Variants in PCDHGB4 observed in about 807,000 individuals in gnomAD.
PCDHGB4 encodes the protein protocadherin gamma-B4.
A neutral mutation model predicts 60.5 loss-of-function variants in PCDHGB4; 38 were observed. The ratio of observed to expected loss-of-function variants is 0.63; its 90% CI spans 0.48 to 0.82. The LOEUF is 0.82. Among genes scored for constraint, PCDHGB4 ranks in the 40% least tolerant of loss-of-function variants. The pLI is 0.00. For synonymous variants in PCDHGB4, 456 were observed against 509.7 expected, an observed-to-expected ratio of 0.89 and a Z score of 1.42; for missense variants, 1,109 against 1,209.6, an observed-to-expected ratio of 0.92 and a Z score of 1.23.
chr5:141,472,623 TAA>T (rs2099291037), intron 1 of PCDHGB4, among the ~76,000 whole-genome samples: 1 of 152,018 alleles, frequency 6.6e-6, no homozygotes, highest in Non-Finnish European at 1.5e-5. Context: ...AGAAAAAAGA[TAA>T]AGACTGGGAA....
intron 1 of PCDHGB4, chr5:141,422,741 A>G (rs1319821802): frequency 6.2e-7 from 1 of 1,610,084 alleles, no homozygotes; most frequent in Non-Finnish European, 8.5e-7. Flanking sequence ...CTGTCCTCCT[A>G]TGTCTCTATT....
chr5:141,462,552 T>G (rs966816379), intron 1 of PCDHGB4, among the ~76,000 whole-genome samples: 4 of 152,194 alleles, frequency 2.6e-5, no homozygotes, highest in African/African-American at 9.6e-5. Context: ...TCTTCTTCAG[T>G]GTTTACTGTA....
chr5:141,412,634 A>G (rs1322492563), intron 1 of PCDHGB4: 1 of 152,256 alleles, frequency 6.6e-6, no homozygotes, highest in African/African-American at 2.4e-5. Flanking sequence ...TTAAATTATA[A>G]GACTTTTCTG....
chr5:141,390,404 G>T, intron 1 of PCDHGB4, 123 bp downstream of exon 1: 1 of 1,262,098 alleles, frequency 7.9e-7, no homozygotes. Flanking sequence ...TTTTAGGAAA[G>T]TTGTAGTCAG....
At chr5:141,488,620 C>A (rs1271344928) in intron 1 of PCDHGB4, among the ~76,000 whole-genome samples, 1 of 152,164 alleles carries the variant, frequency 6.6e-6, no homozygotes, top group East Asian at 1.9e-4. Context: ...CTAATCTTTT[C>A]TCTCACCTTA....
intron 2 of PCDHGB4, among the ~76,000 whole-genome samples, chr5:141,502,109 C>G (rs2099812899): frequency 1.3e-5 from 2 of 152,182 alleles, no homozygotes; most frequent in Admixed American, 1.3e-4. Flanking sequence ...ACCCTGCACC[C>G]TCAGCCAGGC....
At chr5:141,472,040 G>T (rs1431219928) in intron 1 of PCDHGB4, among the ~76,000 whole-genome samples, 4 of 152,018 alleles carry the variant, frequency 2.6e-5, no homozygotes, top group Non-Finnish European at 5.9e-5. Flanking sequence ...GCTGTGAAAA[G>T]ATTTTAAAAA....
chr5:141,415,031 G>T lies in PCDHGB4; in HGVS notation c.2397+24750G>T, dbSNP rs982540695. The T allele has an allele frequency of 6.2e-6, 10 of 1,613,464 alleles. No individual in the cohort carries two copies. The highest frequency in any genetic ancestry group is 6.8e-6 in the Non-Finnish European group (8 of 1,179,984). On this transcript the variant is annotated intron_variant, in intron 1 of 3. Transcript: ENST00000519479. ...CGTCTGCTCAAGGCCAGCGAGCCGGGACTCTTCGCGGTGGGGGAGCACACG... is the reference window on the plus strand; with the variant it reads ...CGTCTGCTCAAGGCCAGCGAGCCGGTACTCTTCGCGGTGGGGGAGCACACG...
rs763262842 is a variant in PCDHGB4, at chr5:141,389,309, T to A, written c.1425T>A (p.Ser475=). 1.4e-5 allele frequency: 23 copies of A among 1,613,900 alleles called. No homozygotes were observed. The highest frequency in any genetic ancestry group is 1.9e-5 in the Non-Finnish European group (22 of 1,179,910). The part of the protein sequence containing the change: ...PGASISQVRA[S]DPDLGPNGQV... ...CCTCTATTTCACAAGTCAGGGCTTCTGATCCGGACTTGGGGCCCAACGGCC... is the reference window on the plus strand; with the variant it reads ...CCTCTATTTCACAAGTCAGGGCTTCAGATCCGGACTTGGGGCCCAACGGCC... Residue 475 remains serine, a synonymous_variant, in exon 1 of 4, where the codon TCT becomes TCA. Coordinates refer to ENST00000519479, the MANE Select transcript of PCDHGB4 (RefSeq NM_003736.4).
At position 141,489,651 on chromosome 5, in the gene PCDHGB4, G is replaced by A; in HGVS notation, c.2398-5156G>A. 6.2e-7 allele frequency: 1 copy of A among 1,614,186 alleles called. No individual in the cohort carries two copies. Among genetic ancestry groups the A allele is most frequent in the Non-Finnish European group, 8.5e-7 (1 of 1,180,032 alleles). ...ACTCTCCTAGCTTTGCCACCCCTGA[G>A]CGAGAGATGCGCATCTCAGAATCAG... On this transcript the variant is annotated intron_variant, in intron 1 of 3. Coordinates refer to ENST00000519479, the MANE Select transcript of PCDHGB4 (RefSeq NM_003736.4). The surrounding 1 kb of genome is among the most constrained non-coding windows in gnomAD (Gnocchi z 4.5).
intron 1 of PCDHGB4, chr5:141,421,043 C>T (rs1201118615): frequency 5.5e-6 from 3 of 548,238 alleles, no homozygotes; most frequent in African/African-American, 3.9e-5. Flanking sequence ...CCTCCCTCCC[C>T]CGCCTCTACC....
chr5:141,392,896 G>A, intron 1 of PCDHGB4: 1 of 1,613,812 alleles, frequency 6.2e-7, no homozygotes, highest in Non-Finnish European at 8.5e-7. Flanking sequence ...GAAATCGGGA[G>A]GGGACAGATT....
rs375537017 is a variant in PCDHGB4 at position 141,419,439 on chromosome 5, C to T, written c.2397+29158C>T. 22 of 1,613,154 alleles carry T rather than the reference C, an allele frequency of 1.4e-5. No individual in the cohort carries two copies. Among genetic ancestry groups the T allele is most frequent in the Non-Finnish European group, 1.7e-5 (20 of 1,179,788 alleles). On this transcript the variant is annotated intron_variant, in intron 1 of 3. Transcript: ENST00000519479. ...GCCTTCGACCACGAGCAGCTGCGCACCTTCGAGCTCACGCTGCAGGCCCGC... is the reference window on the plus strand; with the variant it reads ...GCCTTCGACCACGAGCAGCTGCGCATCTTCGAGCTCACGCTGCAGGCCCGC...
At chr5:141,507,931 G>A (rs1442781255) in intron 3 of PCDHGB4, 1 of 152,326 alleles carries the variant, frequency 6.6e-6, no homozygotes, top group African/African-American at 2.4e-5. Context: ...CTGCTGAGAG[G>A]GGTTAAGTAA....
rs1212381177 is a variant in PCDHGB4 at position 141,438,571 on chromosome 5, TATACATAC to T, written c.2397+48306_2397+48313del. On this transcript the variant is annotated intron_variant, in intron 1 of 3. Coordinates refer to ENST00000519479, the MANE Select transcript of PCDHGB4 (RefSeq NM_003736.4). Reference sequence around the variant, plus strand: ...GCCCTAATAAGAGGCAGCTGTCTGATATACATACATACATACATACATATATATATATA... The same window carrying T: ...GCCCTAATAAGAGGCAGCTGTCTGATATACATACATACATATATATATATA... Among the ~76,000 whole-genome samples the T allele has an allele frequency of 2.8e-4, 26 of 94,536 alleles. 1 individual carries two copies. Among genetic ancestry groups the T allele is most frequent in the South Asian group, 1.0e-3 (3 of 2,950 alleles). 62.0% of individuals were successfully genotyped at this position (94,536 alleles called of 152,430 possible). A position where few individuals can be genotyped will look rare whatever the true frequency, so the allele number is the denominator to read the frequency against.
intron 1 of PCDHGB4, among the ~76,000 whole-genome samples, chr5:141,406,261 C>T (rs2154537343): frequency 6.6e-6 from 1 of 152,132 alleles, no homozygotes; most frequent in African/African-American, 2.4e-5. Flanking sequence ...CTCAAACGAT[C>T]TTCCTGCTTC....
In PCDHGB4 at chr5:141,511,364, T is replaced by C. The variant is rs115159796; in HGVS notation, c.*191T>C. The C allele has an allele frequency of 4.6e-4, 610 of 1,317,098 alleles. 5 individuals are homozygous for C. In the African/African-American group the frequency reaches 7.1e-3, roughly 15 times the overall value. The allele number at this position is 1,317,098 out of a possible 1,614,324, so 81.6% of individuals were successfully genotyped here. On this transcript the variant is annotated 3_prime_UTR_variant, in exon 4 of 4. Coordinates refer to ENST00000519479, the MANE Select transcript of PCDHGB4 (RefSeq NM_003736.4). ...ACCCCTTCCCCCCCAGGGGGTTGAA[T>C]ATGCAAAAGCAGTTCCGCTGGGAAC...
At chr5:141,405,881 T>C (rs998587989) in intron 1 of PCDHGB4, among the ~76,000 whole-genome samples, 4 of 152,210 alleles carry the variant, frequency 2.6e-5, no homozygotes, top group Admixed American at 2.6e-4. Flanking sequence ...GGCCTAATTG[T>C]TGCTCCAACA....
At position 141,501,332 on chromosome 5, in the gene PCDHGB4, CA is replaced by C. The variant is rs1257793029; in HGVS notation, c.2457-4060del. 1.8e-3 allele frequency among the ~76,000 whole-genome samples: 265 copies of C among 149,784 alleles called. 1 individual carries two copies. The highest frequency in any genetic ancestry group is 5.2e-3 in the African/African-American group (209 of 40,512). On this transcript the variant is annotated intron_variant, in intron 2 of 3. Transcript: ENST00000519479. Reference sequence around the variant, plus strand: ...ACACACACACACACACACACACACACACCCCAAACTCAATAGGGCAAGAACC... The same window carrying C: ...ACACACACACACACACACACACACACCCCCAAACTCAATAGGGCAAGAACC...
Sources: gnomAD v4.1 joint callset for allele counts (sites outside exome capture counted in the v4.1 genomes callset) on GRCh38, gnomAD v4.1.1 for gene constraint, Gnocchi (gnomAD v3.1) non-coding constraint, MANE v1.5 for transcripts, NCBI Gene and HGNC (gene_info 2026-07-23, HGNC 2026-07-21) for gene names.